The following FRAS1 variants were observed in gnomAD, a reference collection of about 807,000 sequenced individuals.
The protein encoded by FRAS1 is Fraser extracellular matrix complex subunit 1, also known as extracellular matrix organizing protein FRAS1.
FRAS1 carries 290 observed loss-of-function variants against 435.2 expected under a neutral mutation model. That is an observed-to-expected ratio of 0.67 (90% confidence interval 0.61 to 0.73). The LOEUF is 0.73. FRAS1 is among the 30% of genes least tolerant of loss of function. The probability of loss-of-function intolerance (pLI) is 0.00; values close to 1 mark genes in which losing one functional copy is unlikely to be tolerated. For synonymous variants in FRAS1, 1,800 were observed against 1,851.0 expected (o/e 0.97, Z 0.71); for missense variants, 4,860 against 5,001.5 (o/e 0.97, Z 0.85).
At chr4:78,458,683 C>G (rs1460319707) in intron 47 of FRAS1, among the ~76,000 whole-genome samples, 1 of 152,094 alleles carries the variant, frequency 6.6e-6, no homozygotes, top group Non-Finnish European at 1.5e-5. Context: ...TGTACATGTA[C>G]CCCTGAATCT....
chr4:78,338,041 C>T (rs1303880450), intron 20 of FRAS1: 3 of 509,816 alleles, frequency 5.9e-6, no homozygotes, highest in African/African-American at 1.9e-5. Context: ...CTGAAAATCT[C>T]AGACTCTCAT....
intron 1 of FRAS1, among the ~76,000 whole-genome samples, chr4:78,063,295 T>A (rs1250281319): frequency 6.6e-6 from 1 of 152,176 alleles, no homozygotes; most frequent in Non-Finnish European, 1.5e-5. Flanking sequence ...ATGCTTCCTT[T>A]GGATGCTGCA....
intron 7 of FRAS1, 132 bp from the exon 8 acceptor site, chr4:78,266,702 A>G (rs1560614007): frequency 5.8e-6 from 4 of 684,036 alleles, no homozygotes; most frequent in South Asian, 1.7e-5. Flanking sequence ...AAATGTTTTC[A>G]TTTCTCAAGA....
At chr4:78,277,975 C>T (rs1364008032) in intron 9 of FRAS1, among the ~76,000 whole-genome samples, 1 of 152,068 alleles carries the variant, frequency 6.6e-6, no homozygotes, top group Non-Finnish European at 1.5e-5. Flanking sequence ...CTGCCCCCAG[C>T]AAATTTTTTG....
At position 78,534,596 on chromosome 4, in the gene FRAS1, C is replaced by G. The variant is rs1352194984; in HGVS notation, c.11073C>G (p.Tyr3691Ter). 1 of 1,612,962 alleles carries G rather than the reference C, an allele frequency of 6.2e-7. No individual in the cohort carries two copies. Among genetic ancestry groups the G allele is most frequent in the Non-Finnish European group, 8.5e-7 (1 of 1,179,286 alleles). ...ATATGTCACTAGCAGAAATGGATTACAAAGGAGCCTTTTCAAAAGGTGAGT... is the reference window on the plus strand; with the variant it reads ...ATATGTCACTAGCAGAAATGGATTAGAAAGGAGCCTTTTCAAAAGGTGAGT... ...TSDMSLAEMD[Y>*]KGAFSKGQIL... is the part of the protein sequence containing the mutation. The change falls in exon 71 of 74, where the codon TAC becomes TAG. Residue 3691 changes from tyrosine to a stop codon, truncating the protein, a stop_gained. Transcript: ENST00000512123. LOFTEE classifies it high-confidence loss of function.
chr4:78,318,524 C>A (rs1243847853), intron 17 of FRAS1, among the ~76,000 whole-genome samples: 1 of 152,150 alleles, frequency 6.6e-6, no homozygotes, highest in Non-Finnish European at 1.5e-5. Context: ...GAGAACCAAG[C>A]CAATATTGTC....
In FRAS1 at chr4:78,317,710, C is replaced by T. The variant is rs114288868; in HGVS notation, c.1960+202C>T. On this transcript the variant is annotated intron_variant, in intron 17 of 73. Transcript: ENST00000512123. ...TTTTATTTGAAAATTTGTGAAGACA[C>T]TCAAAGTGTTATGATTTTTTTTTCT... is the stretch of plus-strand genomic sequence containing the variant. 3.3e-3 allele frequency among the ~76,000 whole-genome samples: 499 copies of T among 152,228 alleles called. 3 individuals carry two copies. Among genetic ancestry groups the T allele is most frequent in the African/African-American group, 0.011 (466 of 41,540 alleles).
At chr4:78,065,041 G>T (rs1739941587) in intron 1 of FRAS1, among the ~76,000 whole-genome samples, 1 of 122,800 alleles carries the variant, frequency 8.1e-6, no homozygotes, top group South Asian at 2.6e-4. Context: ...TTTAAGTTAA[G>T]ATTTCAGTTT....
intron 9 of FRAS1, among the ~76,000 whole-genome samples, chr4:78,276,150 T>C (rs918116003): frequency 6.6e-6 from 1 of 152,238 alleles, no homozygotes; most frequent in African/African-American, 2.4e-5. Flanking sequence ...TCTCATGCCA[T>C]GGTTTTCAGC....
At position 78,508,781 on chromosome 4, in the gene FRAS1, A is replaced by G; in HGVS notation, c.9555A>G (p.Gly3185=). ...ATGTGGAAGAAGTTACCAAGGAAGGAGTCAAGAAATCCCCCTCCCCAGGCT... is the reference window on the plus strand; with the variant it reads ...ATGTGGAAGAAGTTACCAAGGAAGGGGTCAAGAAATCCCCCTCCCCAGGCT... ...YDHVEEVTKE[G]VKKSPSPGYP... Residue 3185 remains glycine (G), a synonymous_variant, in exon 63 of 74, where the codon GGA becomes GGG. Transcript: ENST00000512123. 1 of 1,613,774 alleles carries G rather than the reference A, an allele frequency of 6.2e-7. No homozygotes were observed. Among genetic ancestry groups the G allele is most frequent in the South Asian group, 1.1e-5 (1 of 91,036 alleles).
intron 61 of FRAS1, among the ~76,000 whole-genome samples, chr4:78,500,860 T>C (rs2109875193): frequency 6.6e-6 from 1 of 152,264 alleles, no homozygotes; most frequent in East Asian, 1.9e-4. Context: ...GGGGAAAGGA[T>C]AGGTCTAGAA....
At position 78,471,868 on chromosome 4, in the gene FRAS1, A is replaced by G. The variant is rs141452169; in HGVS notation, c.7372-312A>G. On this transcript the variant is annotated intron_variant, in intron 51 of 73. Coordinates refer to ENST00000512123, the MANE Select transcript of FRAS1 (RefSeq NM_025074.7). ...CTCCAATCCATCCTCCTTCAACTCC[A>G]GATGAAATTAATCTTTTTCTCTCTC... 6.2e-4 allele frequency among the ~76,000 whole-genome samples: 94 copies of G among 152,320 alleles called. 1 individual carries two copies. The Middle Eastern group carries it at 0.024, about 39-fold the overall frequency.
intron 14 of FRAS1, among the ~76,000 whole-genome samples, chr4:78,291,565 C>G (rs1163172042): frequency 6.6e-6 from 1 of 152,146 alleles, no homozygotes; most frequent in Non-Finnish European, 1.5e-5. Flanking sequence ...GAAAGCCCTT[C>G]ATATAAGTTT....
intron 2 of FRAS1, among the ~76,000 whole-genome samples, chr4:78,170,999 T>G (rs547095277): frequency 5.9e-5 from 9 of 152,186 alleles, no homozygotes; most frequent in Admixed American, 5.2e-4. Context: ...ATGTCTGTCT[T>G]TATTTACCAG....
At chr4:78,209,301 G>T (rs1307364693) in intron 2 of FRAS1, among the ~76,000 whole-genome samples, 3 of 152,174 alleles carry the variant, frequency 2.0e-5, no homozygotes, top group African/African-American at 7.2e-5. Context: ...GCTCTCTTCA[G>T]TAGTTAACCC....
chr4:78,539,495 A>AG, intron 73 of FRAS1, 55 bp downstream of exon 73: 1 of 341,912 alleles, frequency 2.9e-6, no homozygotes, highest in Non-Finnish European at 4.0e-6. Flanking sequence ...TAAAGCTTGA[A>AG]AAAAAAAAAA....
At chr4:78,259,751 C>T (rs1725983393) in intron 6 of FRAS1, among the ~76,000 whole-genome samples, 1 of 143,272 alleles carries the variant, frequency 7.0e-6, no homozygotes, top group African/African-American at 2.5e-5. Context: ...GTTGCCGTTG[C>T]TTTTAGTGTT....
chr4:78,210,440 T>C (rs1723455278), intron 2 of FRAS1, among the ~76,000 whole-genome samples: 1 of 152,238 alleles, frequency 6.6e-6, no homozygotes, highest in Non-Finnish European at 1.5e-5. Context: ...ACTTGGAGTC[T>C]CAGCACCAAA....
intron 29 of FRAS1, among the ~76,000 whole-genome samples, chr4:78,394,057 AT>A (rs1424141157): frequency 6.6e-6 from 1 of 151,678 alleles, no homozygotes; most frequent in African/African-American, 2.4e-5. Flanking sequence ...TTTTTAAATT[AT>A]TTGAATTTTT....
Sources: gnomAD v4.1 joint callset for allele counts (sites outside exome capture counted in the v4.1 genomes callset) on GRCh38, gnomAD v4.1.1 for gene constraint, MANE v1.5 for transcripts, NCBI Gene and HGNC (gene_info 2026-07-23, HGNC 2026-07-21) for gene names.